The following CFAP46 variants were observed in gnomAD, a reference collection of about 807,000 sequenced individuals.
The protein encoded by CFAP46 is cilia- and flagella-associated protein 46.
CFAP46 carries 245 observed loss-of-function variants against 325.7 expected under a neutral mutation model. The observed-to-expected ratio is 0.75, with a 90% CI of 0.68 to 0.84. CFAP46 has a LOEUF of 0.84. CFAP46 is among the 40% of genes least tolerant of loss of function. The pLI, the probability that CFAP46 is intolerant of heterozygous loss-of-function variation, is 0.00. For missense variants in CFAP46, 3,346 were observed against 3,543.0 expected (o/e 0.94, Z 1.41); for synonymous variants, 1,523 against 1,495.9 (o/e 1.02, Z -0.42).
chr10:132,908,660 G>A, intron 21 of CFAP46, 26 bp from the exon 22 acceptor site: 1 of 1,512,638 alleles, frequency 6.6e-7, no homozygotes, highest in South Asian at 1.3e-5. Flanking sequence ...AAGAGAAGGG[G>A]CACCGTGTTA....
chr10:132,836,963 C>T lies in CFAP46; in HGVS notation c.6439-49G>A, dbSNP rs773548162. The T allele has an allele frequency of 5.9e-6, 8 of 1,365,460 alleles. No homozygotes were observed. In the East Asian group the frequency reaches 9.1e-5, roughly 16 times the overall value. 84.6% of individuals were successfully genotyped at this position (1,365,460 alleles called of 1,614,324 possible). A position where few individuals can be genotyped will look rare whatever the true frequency, so the allele number is the denominator to read the frequency against. On this transcript the variant is annotated intron_variant, in intron 44 of 57. Transcript: ENST00000368586. ...AGGGGATGCATTTAGGACGCAAGGACGTCGCTGTGCTGTTCCCCTCATTTC... is the reference window on the plus strand; with the variant it reads ...AGGGGATGCATTTAGGACGCAAGGATGTCGCTGTGCTGTTCCCCTCATTTC...
chr10:132,867,414 G>T lies in CFAP46; in HGVS notation c.4704C>A (p.Val1568=), dbSNP rs573013129. Residue 1568 remains valine (V), a synonymous_variant, in exon 34 of 58, where the codon GTC becomes GTA. Coordinates refer to ENST00000368586, the MANE Select transcript of CFAP46 (RefSeq NM_001200049.3). ...LPALNEQTLP[V]QPGEIKPLDA... ...CCAGTGGTTTGATCTCCCCAGGCTG[G>T]ACAGGAAGTGTCTGCTCATTCAGTG... 509 of 1,550,570 alleles carry T rather than the reference G, an allele frequency of 3.3e-4. 1 individual carries two copies. In the African/African-American group the frequency reaches 6.3e-3, roughly 19 times the overall value.
intron 24 of CFAP46, among the ~76,000 whole-genome samples, chr10:132,892,626 TAA>T (rs781284988): frequency 6.6e-6 from 1 of 152,218 alleles, no homozygotes; most frequent in Non-Finnish European, 1.5e-5. Flanking sequence ...ATTAATAACT[TAA>T]GTTATTTTAA....
At chr10:132,830,028 G>A (rs182181168) in intron 50 of CFAP46, among the ~76,000 whole-genome samples, 15 of 151,066 alleles carry the variant, frequency 9.9e-5, no homozygotes, top group South Asian at 6.3e-4. Flanking sequence ...TTTGGTATCC[G>A]GATAATGCCA....
chr10:132,887,287 CTCT>C (rs1423460432), intron 25 of CFAP46, among the ~76,000 whole-genome samples: 13 of 116,152 alleles, frequency 1.1e-4, no homozygotes, highest in Admixed American at 7.9e-5. Flanking sequence ...CTCTCCTCCC[CTCT>C]TCTTTCCTCT....
chr10:132,817,405 C>G lies in CFAP46; in HGVS notation c.7118-2491G>C, dbSNP rs922122469. On this transcript the variant is annotated intron_variant, in intron 50 of 57. Transcript: ENST00000368586. This position sits in a 1 kb window ranked among gnomAD's most constrained non-coding sequence, Gnocchi z 4.4. ...TGGCACCTCTTATCTCCTGTGTCTT[C>G]TCACTGGCAGGGTTGGCCAATTTTC... is the stretch of plus-strand genomic sequence containing the variant. 3.3e-5 allele frequency among the ~76,000 whole-genome samples: 5 copies of G among 152,222 alleles called. No homozygotes were observed. The highest frequency in any genetic ancestry group is 1.2e-4 in the African/African-American group (5 of 41,452).
intron 26 of CFAP46, 73 bp downstream of exon 26, chr10:132,885,748 A>AGCACTCATAGGCGGTGGGGGGC (rs1849115963): frequency 7.0e-7 from 1 of 1,426,484 alleles, no homozygotes. Context: ...CGGTGTGGGG[A>AGCACTCATAGGCGGTGGGGGGC]GCACTCACAG....
At chr10:132,829,982 T>C (rs76787893) in intron 50 of CFAP46, among the ~76,000 whole-genome samples, 1 of 131,756 alleles carries the variant, frequency 7.6e-6, no homozygotes, top group East Asian at 2.1e-4. Context: ...TATTGGTCCA[T>C]TTTTTTTTTT....
chr10:132,897,653 C>G (rs969659866), intron 24 of CFAP46, among the ~76,000 whole-genome samples: 1 of 152,228 alleles, frequency 6.6e-6, no homozygotes, highest in African/African-American at 2.4e-5. Flanking sequence ...GGCAGGTTGG[C>G]AGGTTGGCAG....
At chr10:132,882,605 G>A (rs947191518) in intron 27 of CFAP46, among the ~76,000 whole-genome samples, 1 of 151,954 alleles carries the variant, frequency 6.6e-6, no homozygotes, top group Non-Finnish European at 1.5e-5. Flanking sequence ...TAGCGGGTGG[G>A]GGGTCTGGGC....
rs1384964814 is a variant in CFAP46 at position 132,927,875 on chromosome 10, G to A, written c.967-1209C>T. On this transcript the variant is annotated intron_variant, in intron 9 of 57. Transcript: ENST00000368586. ...ATCCTGAATGTCTAACAGTAGGCTGGCGGGGATAATGAGCCTCCTGGTAGA... is the reference window on the plus strand; with the variant it reads ...ATCCTGAATGTCTAACAGTAGGCTGACGGGGATAATGAGCCTCCTGGTAGA... Among the ~76,000 whole-genome samples, 5 of 152,328 alleles carry A rather than the reference G, an allele frequency of 3.3e-5. No homozygotes were observed. The East Asian group carries it at 9.6e-4, about 29-fold the overall frequency.
chr10:132,835,297 G>C lies in CFAP46; in HGVS notation c.6744+7C>G. 3 of 1,611,948 alleles carry C rather than the reference G, an allele frequency of 1.9e-6. No homozygotes were observed. The highest frequency in any genetic ancestry group is 2.5e-6 in the Non-Finnish European group (3 of 1,179,408). ...GGCTGGGTGGCTTGGAGCCTGGAGGGCCTCACCGAGCCTATGTTCAGGGCC... is the reference window on the plus strand; with the variant it reads ...GGCTGGGTGGCTTGGAGCCTGGAGGCCCTCACCGAGCCTATGTTCAGGGCC... On this transcript the variant is annotated splice_region_variant and intron_variant, in intron 47 of 57. Transcript: ENST00000368586.
chr10:132,892,133 A>C (rs565055215), intron 25 of CFAP46, among the ~76,000 whole-genome samples, 200 bp downstream of exon 25: 2 of 152,206 alleles, frequency 1.3e-5, no homozygotes, highest in Non-Finnish European at 2.9e-5. Context: ...GCACGTTGAA[A>C]GGGAATTTCA....
At chr10:132,841,552 C>G (rs1254944839) in intron 44 of CFAP46, among the ~76,000 whole-genome samples, 3 of 152,198 alleles carry the variant, frequency 2.0e-5, no homozygotes, top group Non-Finnish European at 4.4e-5. Flanking sequence ...TGGCTTTGCT[C>G]TGCTGGGGCT....
intron 38 of CFAP46, among the ~76,000 whole-genome samples, chr10:132,858,263 G>A (rs1406860493): frequency 6.6e-6 from 1 of 151,296 alleles, no homozygotes; most frequent in African/African-American, 2.4e-5. Context: ...GGCAGGGCCA[G>A]GGAGGCTTTG....
intron 1 of CFAP46, 106 bp downstream of exon 1, chr10:132,942,328 ACC>A: frequency 9.9e-7 from 1 of 1,008,828 alleles, no homozygotes; most frequent in South Asian, 1.8e-5. Context: ...TCGAGGGATC[ACC>A]CATTGGGCGG....
intron 50 of CFAP46, among the ~76,000 whole-genome samples, chr10:132,829,999 C>T (rs935607505): frequency 6.6e-6 from 1 of 151,232 alleles, no homozygotes; most frequent in African/African-American, 2.4e-5. Context: ...TTTTTAATCT[C>T]CTAATGTCTT....
chr10:132,859,219 G>T lies in CFAP46; in HGVS notation c.5227C>A (p.Gln1743Lys). ...GTGGGTTCAGTGACCGCTGAGTGCTGCGCAACTCTGACCCGCAGGCTCAGG... is the reference window on the plus strand; with the variant it reads ...GTGGGTTCAGTGACCGCTGAGTGCTTCGCAACTCTGACCCGCAGGCTCAGG... ...RCLSLRVRVA[Q>K]HSAVTEPTEC... The change falls in exon 38 of 58, where the codon CAG becomes AAG. Residue 1743 changes from glutamine (Q) to lysine (K), a missense_variant. By Grantham distance (53) the Gln-to-Lys change is moderately conservative. Transcript: ENST00000368586. 1 of 1,549,798 alleles carries T rather than the reference G, an allele frequency of 6.5e-7. No homozygotes were observed.
chr10:132,882,060 G>A (rs1849053113), intron 27 of CFAP46, among the ~76,000 whole-genome samples: 1 of 148,634 alleles, frequency 6.7e-6, no homozygotes, highest in Admixed American at 6.7e-5. Context: ...GGTGTGTGGT[G>A]CGTGTGGGAT....
Sources: gnomAD v4.1 joint callset for allele counts (sites outside exome capture counted in the v4.1 genomes callset) on GRCh38, gnomAD v4.1.1 for gene constraint, Gnocchi (gnomAD v3.1) non-coding constraint, MANE v1.5 for transcripts, NCBI Gene and HGNC (gene_info 2026-07-23, HGNC 2026-07-21) for gene names.